DPP10: variants seen among roughly 807,000 people sequenced by gnomAD.
DPP10 encodes the protein dipeptidyl peptidase like 10.
DPP10 carries 33 observed loss-of-function variants against 120.9 expected under a neutral mutation model. That is an observed-to-expected ratio of 0.27 (90% confidence interval 0.21 to 0.37). DPP10 has a LOEUF of 0.37. DPP10 is among the 10% of genes least tolerant of loss of function. DPP10 has a pLI of 1.00. For synonymous variants in DPP10, 337 were observed against 326.1 expected (o/e 1.03, Z -0.36); for missense variants, 816 against 942.8 (o/e 0.87, Z 1.76).
intron 1 of DPP10, among the ~76,000 whole-genome samples, chr2:114,981,855 C>T (rs921879607): frequency 1.3e-5 from 2 of 151,020 alleles, no homozygotes; most frequent in African/African-American, 4.9e-5. Context: ...GAGTCTTCTC[C>T]TGGGTCACTG....
At chr2:115,254,376 T>A (rs1212717437) in intron 1 of DPP10, among the ~76,000 whole-genome samples, 1 of 152,168 alleles carries the variant, frequency 6.6e-6, no homozygotes, top group Non-Finnish European at 1.5e-5. Flanking sequence ...TTTCTCCACC[T>A]GCTCTCTCCC....
At chr2:114,992,121 T>C (rs1700785198) in intron 1 of DPP10, among the ~76,000 whole-genome samples, 1 of 152,226 alleles carries the variant, frequency 6.6e-6, no homozygotes, top group Non-Finnish European at 1.5e-5. Context: ...ATGCATATGC[T>C]TGCAAATAAT....
chr2:114,785,842 A>C (rs1007657251), intron 1 of DPP10, among the ~76,000 whole-genome samples: 2 of 152,224 alleles, frequency 1.3e-5, no homozygotes, highest in African/African-American at 4.8e-5. Context: ...AGTTGCCTTG[A>C]ACTATAAAGA....
chr2:115,534,177 G>A (rs964361030), intron 5 of DPP10, among the ~76,000 whole-genome samples: 9 of 151,390 alleles, frequency 5.9e-5, no homozygotes, highest in Non-Finnish European at 5.9e-5. Context: ...AGTTACATAC[G>A]TATACATGTG....
At chr2:114,768,957 A>G (rs1345678376) in intron 1 of DPP10, among the ~76,000 whole-genome samples, 1 of 152,162 alleles carries the variant, frequency 6.6e-6, no homozygotes, top group Non-Finnish European at 1.5e-5. Context: ...ATTATAAGGC[A>G]CTTTAGAAGT....
intron 19 of DPP10, among the ~76,000 whole-genome samples, chr2:115,792,939 G>C (rs1368741647): frequency 6.6e-6 from 1 of 152,210 alleles, no homozygotes; most frequent in East Asian, 1.9e-4. Context: ...CGAATGTGTA[G>C]ATAATTATGC....
At chr2:114,631,887 T>C (rs915794620) in intron 1 of DPP10, among the ~76,000 whole-genome samples, 1 of 152,212 alleles carries the variant, frequency 6.6e-6, no homozygotes, top group African/African-American at 2.4e-5. Context: ...TGTATTTAAT[T>C]AGTATCTAAT....
chr2:115,800,142 T>C (rs1460041919), intron 19 of DPP10, among the ~76,000 whole-genome samples: 1 of 151,612 alleles, frequency 6.6e-6, no homozygotes, highest in East Asian at 1.9e-4. Flanking sequence ...TGGTGTGAGA[T>C]GGTATCTCAT....
At chr2:114,881,441 ATCTGTCTG>A (rs1182634552) in intron 1 of DPP10, among the ~76,000 whole-genome samples, 1 of 107,226 alleles carries the variant, frequency 9.3e-6, no homozygotes, top group African/African-American at 3.4e-5. Flanking sequence ...ATCTTTACCT[ATCTGTCTG>A]TCTGTCTGTC....
chr2:114,640,188 G>C (rs1035838626), intron 1 of DPP10, among the ~76,000 whole-genome samples: 14 of 151,848 alleles, frequency 9.2e-5, no homozygotes, highest in Non-Finnish European at 1.9e-4. Flanking sequence ...ACAGCTGAAG[G>C]CCTGGAGACC....
Position 114,555,282 on chromosome 2 carries a change from A to G in DPP10, c.60+112444A>G, listed in dbSNP as rs187553170. ...CAGGACATCAAAATTGGTTAGACTG[A>G]AAGTGTCTAATGAGCTACTCCCATA... On this transcript the variant is annotated intron_variant, in intron 1 of 25. Coordinates refer to ENST00000410059, the MANE Select transcript of DPP10 (RefSeq NM_020868.6). Among the ~76,000 whole-genome samples, 329 of 152,268 alleles carry G rather than the reference A, an allele frequency of 2.2e-3. 1 individual carries two copies. Among genetic ancestry groups the G allele is most frequent in the Non-Finnish European group, 3.7e-3 (253 of 68,026 alleles).
chr2:114,518,561 T>A (rs62165186), intron 1 of DPP10, among the ~76,000 whole-genome samples: 15,885 of 152,106 alleles, frequency 0.1, 1,191 homozygotes, highest in Non-Finnish European at 0.14. Context: ...AGACTAAAAT[T>A]CGTTCCAGGA....
intron 1 of DPP10, among the ~76,000 whole-genome samples, chr2:114,868,637 T>C (rs1167882558): frequency 6.6e-6 from 1 of 152,166 alleles, no homozygotes; most frequent in Non-Finnish European, 1.5e-5. Flanking sequence ...TAACTTGGGA[T>C]AATTCCCAAG....
intron 1 of DPP10, among the ~76,000 whole-genome samples, chr2:114,868,264 A>G (rs1442721463): frequency 1.3e-5 from 2 of 152,208 alleles, no homozygotes; most frequent in Non-Finnish European, 2.9e-5. Flanking sequence ...GCTTAAACAG[A>G]CATTGCCAGT....
chr2:114,839,135 TTTATC>T (rs1285781537), intron 1 of DPP10, among the ~76,000 whole-genome samples: 1 of 152,202 alleles, frequency 6.6e-6, no homozygotes. Flanking sequence ...TGTTGCCTGC[TTTATC>T]TTAGCAATTA....
rs59593945 is a variant in DPP10, at chr2:114,993,580, G to GTATATATATATATATATATATATA, written c.61-315655_61-315632dup. Among the ~76,000 whole-genome samples the GTATATATATATATATATATATATA allele has an allele frequency of 3.4e-3, 329 of 97,212 alleles. 7 individuals are homozygous for GTATATATATATATATATATATATA. The highest frequency in any genetic ancestry group is 5.0e-3 in the Non-Finnish European group (250 of 49,588). The allele number at this position is 97,212 out of a possible 152,430, so 63.8% of individuals were successfully genotyped here. ...ATTCTTATTATGTGTGTGTGTGTGT[G>GTATATATATATATATATATATATA]TATATATATATATATATATATATAT... On this transcript the variant is annotated intron_variant, in intron 1 of 25. Coordinates refer to ENST00000410059, the MANE Select transcript of DPP10 (RefSeq NM_020868.6).
chr2:115,346,198 A>G (rs2063703233), intron 3 of DPP10, among the ~76,000 whole-genome samples: 2 of 152,198 alleles, frequency 1.3e-5, no homozygotes. Context: ...CTGGAAATTC[A>G]ATGGGAAATA....
At position 114,653,004 on chromosome 2, in the gene DPP10, G is replaced by GAA. The variant is rs879901398; in HGVS notation, c.60+210167_60+210168insAA. Among the ~76,000 whole-genome samples the GAA allele has an allele frequency of 3.1e-3, 437 of 142,512 alleles. 3 individuals carry two copies. The highest frequency in any genetic ancestry group is 0.011 in the African/African-American group (413 of 35,968). The allele number at this position is 142,512 out of a possible 152,430, so 93.5% of individuals were successfully genotyped here. A position where few individuals can be genotyped will look rare whatever the true frequency, so the allele number is the denominator to read the frequency against. On this transcript the variant is annotated intron_variant, in intron 1 of 25. Coordinates refer to ENST00000410059, the MANE Select transcript of DPP10 (RefSeq NM_020868.6). ...TCTCATTGGAAGAGAGAGAGAGAGAGAGAGAAAGAGAGAGAGAGAGAGAGT... is the reference window on the plus strand; with the variant it reads ...TCTCATTGGAAGAGAGAGAGAGAGAGAAAGAGAAAGAGAGAGAGAGAGAGAGT...
At chr2:115,272,521 T>C (rs989448693) in intron 1 of DPP10, among the ~76,000 whole-genome samples, 1 of 152,224 alleles carries the variant, frequency 6.6e-6, no homozygotes, top group African/African-American at 2.4e-5. Flanking sequence ...ACTTGTTAAT[T>C]TTCAATTTTG....
Sources: gnomAD v4.1 joint callset for allele counts (sites outside exome capture counted in the v4.1 genomes callset) on GRCh38, gnomAD v4.1.1 for gene constraint, MANE v1.5 for transcripts, NCBI Gene and HGNC (gene_info 2026-07-23, HGNC 2026-07-21) for gene names.